The following PCSK6 variants were observed in gnomAD, a reference collection of about 807,000 sequenced individuals.
The protein encoded by PCSK6 is paired basic amino acid cleaving enzyme 4.
A neutral mutation model predicts 123.3 loss-of-function variants in PCSK6; 85 were observed. That is an observed-to-expected ratio of 0.69 (90% CI 0.58 to 0.83). The LOEUF (loss-of-function observed/expected upper bound fraction) is 0.83, where lower values mean the gene tolerates loss of function less well. PCSK6 is among the 40% of genes least tolerant of loss of function. The pLI, the probability that PCSK6 is intolerant of heterozygous loss-of-function variation, is 0.00. For missense variants in PCSK6, 1,191 were observed against 1,282.3 expected (o/e 0.93, Z 1.09); for synonymous variants, 508 against 516.0 (o/e 0.98, Z 0.21).
chr15:101,379,622 A>G (rs1179599410), intron 11 of PCSK6, among the ~76,000 whole-genome samples: 2 of 152,216 alleles, frequency 1.3e-5, no homozygotes, highest in Non-Finnish European at 1.5e-5. Flanking sequence ...GGATTCCACC[A>G]TGAGAGGAAG....
intron 15 of PCSK6, among the ~76,000 whole-genome samples, chr15:101,328,794 G>A (rs1035025748): frequency 6.6e-6 from 1 of 152,204 alleles, no homozygotes; most frequent in Non-Finnish European, 1.5e-5. Context: ...ATGAATATCT[G>A]TAAACAAACC....
intron 20 of PCSK6, chr15:101,308,822 A>G (rs1395268682): frequency 6.6e-6 from 1 of 152,052 alleles, no homozygotes; most frequent in African/African-American, 2.4e-5. Context: ...TTCCCCACAG[A>G]CCCTCTGGTT....
chr15:101,316,938 C>G (rs1415388284), intron 19 of PCSK6, among the ~76,000 whole-genome samples: 1 of 82,702 alleles, frequency 1.2e-5, no homozygotes, highest in Non-Finnish European at 2.1e-5. Context: ...TTGACAGAGT[C>G]TTACTCTGTC....
chr15:101,320,964 G>T (rs964100192), intron 18 of PCSK6, among the ~76,000 whole-genome samples: 1 of 152,190 alleles, frequency 6.6e-6, no homozygotes, highest in African/African-American at 2.4e-5. Context: ...TTGAGTATCC[G>T]ATTTCCCTCT....
chr15:101,313,297 A>G, intron 20 of PCSK6, 79 bp downstream of exon 20: 1 of 1,609,086 alleles, frequency 6.2e-7, no homozygotes, highest in Non-Finnish European at 8.5e-7. Flanking sequence ...CCCCTGGGGA[A>G]GATGCTGCCA....
intron 9 of PCSK6, among the ~76,000 whole-genome samples, chr15:101,386,614 G>T (rs1036722891): frequency 6.6e-6 from 1 of 152,182 alleles, no homozygotes; most frequent in African/African-American, 2.4e-5. Flanking sequence ...CACAGGATTT[G>T]TCTTATTTCC....
At chr15:101,442,819 C>T (rs1459820763) in intron 2 of PCSK6, among the ~76,000 whole-genome samples, 5 of 152,140 alleles carry the variant, frequency 3.3e-5, no homozygotes, top group Non-Finnish European at 5.9e-5. Context: ...CAGCACTCAT[C>T]GCCCTGTGAC....
At chr15:101,454,035 A>G (rs1552951) in intron 1 of PCSK6, among the ~76,000 whole-genome samples, 36,690 of 152,004 alleles carry the variant, frequency 0.24, 4,887 homozygotes, top group South Asian at 0.34. Flanking sequence ...CCCCTCCTGG[A>G]CTCCCCAGAA....
intron 13 of PCSK6, among the ~76,000 whole-genome samples, chr15:101,333,011 T>C (rs1240466217): frequency 6.6e-6 from 1 of 152,278 alleles, no homozygotes; most frequent in Non-Finnish European, 1.5e-5. Context: ...GGGGCTATGT[T>C]GGGATGAATC....
At chr15:101,348,156 G>T (rs983820173) in intron 13 of PCSK6, among the ~76,000 whole-genome samples, 1 of 134,080 alleles carries the variant, frequency 7.5e-6, no homozygotes, top group Non-Finnish European at 1.7e-5. Flanking sequence ...CCCCCCCGGG[G>T]TCCCGCTGGG....
chr15:101,324,750 C>T (rs181960930), intron 17 of PCSK6, 100 bp downstream of exon 17: 37 of 1,007,566 alleles, frequency 3.7e-5, no homozygotes, highest in Admixed American at 6.7e-5. Flanking sequence ...ACAAAATACA[C>T]GGAAGCAGAA....
chr15:101,326,414 A>C lies in PCSK6; in HGVS notation c.2143T>G (p.Cys715Gly), dbSNP rs1567143907. 4 of 1,583,994 alleles carry C rather than the reference A, an allele frequency of 2.5e-6. No homozygotes were observed. The highest frequency in any genetic ancestry group is 3.4e-6 in the Non-Finnish European group (4 of 1,164,920). ...DGPNADQCLN[C>G]VHFSLGSVKT... The stretch of plus-strand genomic sequence containing the variant: ...ACACTCCCCAGGCTGAAGTGGACGC[A>C]GTTCAAGCACTGGTCTGCATTGGGG... The change falls in exon 16 of 22, where the codon TGC (cysteine) becomes GGC (glycine). Residue 715 changes from cysteine to glycine, a missense_variant. Physicochemically the swap from Cys to Gly is radical, Grantham distance 159. Transcript: ENST00000611716.
intron 4 of PCSK6, 138 bp downstream of exon 4, chr15:101,431,181 CT>C (rs1355221754): frequency 2.0e-5 from 17 of 850,920 alleles, no homozygotes; most frequent in Non-Finnish European, 2.9e-5. Context: ...CTTCCTAATT[CT>C]TTCCAGCATA....
At position 101,326,419 on chromosome 15, in the gene PCSK6, A is replaced by G; in HGVS notation, c.2138T>C (p.Leu713Ser). Residue 713 changes from leucine (L) to serine (S), a missense_variant, in exon 16 of 22, where the codon TTG becomes TCG. Physicochemically the swap from Leu to Ser is moderately radical, Grantham distance 145. Around this residue, in one of 3 missense-constraint regions of PCSK6, gnomAD observed 630 missense variants for 631.4 expected, o/e 1.00. Coordinates refer to ENST00000611716, the MANE Select transcript of PCSK6 (RefSeq NM_002570.5). The part of the protein sequence containing the change: ...GCDGPNADQC[L>S]NCVHFSLGSV... ...CCCCAGGCTGAAGTGGACGCAGTTC[A>G]AGCACTGGTCTGCATTGGGGCCATC... 6.3e-7 allele frequency: 1 copy of G among 1,585,470 alleles called. No individual in the cohort carries two copies. The highest frequency in any genetic ancestry group is 8.6e-7 in the Non-Finnish European group (1 of 1,165,676).
At chr15:101,413,792 C>G (rs988668599) in intron 6 of PCSK6, among the ~76,000 whole-genome samples, 4 of 152,190 alleles carry the variant, frequency 2.6e-5, no homozygotes, top group African/African-American at 9.6e-5. Flanking sequence ...AGAAAACATT[C>G]ACAGGTACCT....
chr15:101,463,470 C>T (rs1232694225), intron 1 of PCSK6, among the ~76,000 whole-genome samples: 6 of 152,176 alleles, frequency 3.9e-5, no homozygotes, highest in African/African-American at 9.7e-5. Flanking sequence ...CTCTGAACTC[C>T]GCCCATGCCT....
chr15:101,416,335 T>C (rs1328859324), intron 6 of PCSK6, among the ~76,000 whole-genome samples: 1 of 152,206 alleles, frequency 6.6e-6, no homozygotes, highest in Non-Finnish European at 1.5e-5. Context: ...ATTTAGAGTA[T>C]CTGGCAGAAG....
chr15:101,432,643 C>CAGAG (rs970623817), intron 2 of PCSK6, among the ~76,000 whole-genome samples: 9 of 147,922 alleles, frequency 6.1e-5, no homozygotes, highest in Middle Eastern at 3.4e-3. Flanking sequence ...AAAAAAAAGA[C>CAGAG]AGAGAGAGAG....
intron 11 of PCSK6, among the ~76,000 whole-genome samples, chr15:101,379,748 G>A (rs966533412): frequency 2.6e-5 from 4 of 152,174 alleles, no homozygotes; most frequent in Admixed American, 6.5e-5. Flanking sequence ...TTCATTTTCG[G>A]CCACGTGATC....
Sources: gnomAD v4.1 joint callset for allele counts (sites outside exome capture counted in the v4.1 genomes callset) on GRCh38, gnomAD v4.1.1 for gene constraint, gnomAD v4.1.1 regional missense constraint, MANE v1.5 for transcripts, NCBI Gene and HGNC (gene_info 2026-07-23, HGNC 2026-07-21) for gene names.